The following ZBTB5 variants were observed in gnomAD, a reference collection of about 807,000 sequenced individuals.
The protein encoded by ZBTB5 is zinc finger and BTB domain containing 5, also known as zinc finger and BTB domain-containing protein 5.
In ZBTB5, 15 loss-of-function variants were observed where a neutral mutation model predicts 37.9. That is an observed-to-expected ratio of 0.40 (90% CI 0.26 to 0.61). The LOEUF is 0.61. Ranked by LOEUF, ZBTB5 falls within the 20% of genes least tolerant of loss-of-function variation. The pLI, the probability that ZBTB5 is intolerant of heterozygous loss-of-function variation, is 0.47. For missense variants in ZBTB5, 708 were observed against 856.8 expected, an observed-to-expected ratio of 0.83 and a Z score of 2.17; for synonymous variants, 315 against 312.4, an observed-to-expected ratio of 1.01 and a Z score of -0.09.
In ZBTB5 at chr9:37,441,879, C is replaced by T. The variant is rs750571689; in HGVS notation, c.673G>A (p.Gly225Arg). 6.1e-5 allele frequency: 99 copies of T among 1,614,058 alleles called. No homozygotes were observed. The highest frequency in any genetic ancestry group is 8.2e-5 in the Non-Finnish European group (97 of 1,180,048). Residue 225 changes from glycine to arginine, a missense_variant, in exon 2 of 2, where the codon GGG becomes AGG. This residue lies in a region of ZBTB5 where 639 missense variants were observed against 690.5 expected (regional missense o/e 0.93). Transcript: ENST00000307750. ...AAGAACTCCTCCCGAGAATGAACCCCTGAAGGCCCATTCTCCGGTGTAACA... is the reference window on the plus strand; with the variant it reads ...AAGAACTCCTCCCGAGAATGAACCCTTGAAGGCCCATTCTCCGGTGTAACA... ...SDVTPENGPS[G>R]VHSREEFFSP...
At chr9:37,447,450 A>G (rs1413247969) in intron 1 of ZBTB5, among the ~76,000 whole-genome samples, 1 of 152,174 alleles carries the variant, frequency 6.6e-6, no homozygotes. Flanking sequence ...TAGTGGTAAT[A>G]AAATATATAT....
At position 37,440,446 on chromosome 9, in the gene ZBTB5, A is replaced by G. The variant is rs1823842246; in HGVS notation, c.*72T>C. The G allele has an allele frequency of 7.2e-7, 1 of 1,384,676 alleles. No individual in the cohort carries two copies. The highest frequency in any genetic ancestry group is 1.4e-5 in the African/African-American group (1 of 69,800). 85.8% of individuals were successfully genotyped at this position (1,384,676 alleles called of 1,614,324 possible). A position where few individuals can be genotyped will look rare whatever the true frequency, so the allele number is the denominator to read the frequency against. On this transcript the variant is annotated 3_prime_UTR_variant, in exon 2 of 2. Transcript: ENST00000307750. The stretch of plus-strand genomic sequence containing the variant: ...GGGCAGCTGGAAGCCTCGAACCCAA[A>G]GGCATTAACTGCTTACCAAAAGAAA...
intron 1 of ZBTB5, 150 bp downstream of exon 1, chr9:37,465,065 C>A (rs1824366898): frequency 6.6e-6 from 1 of 152,354 alleles, no homozygotes; most frequent in South Asian, 2.1e-4. Flanking sequence ...CCAACGGTAA[C>A]AATGCTCCCC....
At chr9:37,464,606 G>A (rs1039432674) in intron 1 of ZBTB5, among the ~76,000 whole-genome samples, 13 of 152,182 alleles carry the variant, frequency 8.5e-5, no homozygotes, top group African/African-American at 2.9e-4. Context: ...CCAAACAGGA[G>A]AAGATGGGAC....
At chr9:37,453,400 G>A (rs1824136164) in intron 1 of ZBTB5, among the ~76,000 whole-genome samples, 2 of 151,810 alleles carry the variant, frequency 1.3e-5, no homozygotes, top group Non-Finnish European at 2.9e-5. Flanking sequence ...GGCTGGTCTT[G>A]AACTCCTGTG....
intron 1 of ZBTB5, among the ~76,000 whole-genome samples, chr9:37,455,101 T>C (rs1259446708): frequency 6.6e-6 from 1 of 152,218 alleles, no homozygotes. Context: ...TGTTGCCTTT[T>C]GGCCTGCCAC....
chr9:37,449,840 G>A (rs1486537424), intron 1 of ZBTB5, among the ~76,000 whole-genome samples: 2 of 151,948 alleles, frequency 1.3e-5, no homozygotes, highest in African/African-American at 4.8e-5. Flanking sequence ...CTAACAAAGA[G>A]CAGCCTGTAA....
At chr9:37,451,898 G>A (rs541909867) in intron 1 of ZBTB5, among the ~76,000 whole-genome samples, 58 of 152,166 alleles carry the variant, frequency 3.8e-4, no homozygotes, top group African/African-American at 1.4e-3. Flanking sequence ...TGTCAGAAAT[G>A]CAAAAGCCTG....
At chr9:37,445,661 AAAG>A (rs1418385589) in intron 1 of ZBTB5, among the ~76,000 whole-genome samples, 1 of 152,062 alleles carries the variant, frequency 6.6e-6, no homozygotes, top group Non-Finnish European at 1.5e-5. Flanking sequence ...AAAAAAGAAA[AAAG>A]AAATATGGAA....
chr9:37,453,024 T>C (rs963557823), intron 1 of ZBTB5, among the ~76,000 whole-genome samples: 1 of 152,346 alleles, frequency 6.6e-6, no homozygotes, highest in African/African-American at 2.4e-5. Flanking sequence ...CATGTAACCA[T>C]ATGGATAAAC....
chr9:37,458,079 T>C (rs1824225046), intron 1 of ZBTB5, among the ~76,000 whole-genome samples: 1 of 152,178 alleles, frequency 6.6e-6, no homozygotes, highest in Admixed American at 6.5e-5. Context: ...ATCCTAAACA[T>C]AAAAGTAATT....
At chr9:37,452,687 A>T (rs1377544085) in intron 1 of ZBTB5, among the ~76,000 whole-genome samples, 1 of 152,234 alleles carries the variant, frequency 6.6e-6, no homozygotes, top group Non-Finnish European at 1.5e-5. Flanking sequence ...GTGTTCTAGC[A>T]GGGGTGCTCT....
intron 1 of ZBTB5, among the ~76,000 whole-genome samples, chr9:37,446,700 C>T (rs964604554): frequency 1.3e-5 from 2 of 152,204 alleles, no homozygotes; most frequent in Non-Finnish European, 2.9e-5. Context: ...ACACACATCC[C>T]GGGTCCCCAC....
Position 37,440,856 on chromosome 9 carries a change from C to T in ZBTB5, c.1696G>A (p.Gly566Arg), listed in dbSNP as rs1274995151. ...CCATTTTCAAATGAGGACGTAGCTC[C>T]ATTCATCATTAGCTGAGAACTGGTA... ...NSTSSQLMMN[G>R]ATSSFENGHP... The change falls in exon 2 of 2, where the codon GGA (glycine) becomes AGA (arginine). Residue 566 changes from glycine to arginine, a missense_variant. This residue lies in a region of ZBTB5 where 639 missense variants were observed against 690.5 expected (regional missense o/e 0.93). Coordinates refer to ENST00000307750, the MANE Select transcript of ZBTB5 (RefSeq NM_014872.3). The T allele has an allele frequency of 6.2e-7, 1 of 1,614,186 alleles. No individual in the cohort carries two copies. Among genetic ancestry groups the T allele is most frequent in the East Asian group, 2.2e-5 (1 of 44,886 alleles).
At chr9:37,456,448 G>A (rs1412449843) in intron 1 of ZBTB5, among the ~76,000 whole-genome samples, 1 of 152,242 alleles carries the variant, frequency 6.6e-6, no homozygotes, top group Non-Finnish European at 1.5e-5. Context: ...GTTCTGCTCT[G>A]TCAGGGTTGG....
rs189758309 is a variant in ZBTB5 at position 37,452,647 on chromosome 9, T to C, written c.-4-10092A>G. Among the ~76,000 whole-genome samples the C allele has an allele frequency of 4.3e-4, 65 of 152,166 alleles. 1 individual carries two copies. In the South Asian group the frequency reaches 6.0e-3, roughly 14 times the overall value. The stretch of plus-strand genomic sequence containing the variant: ...GAAGGAAGCAGCAGCCAAGTAAAGG[T>C]ATAATATGGGGCAAAATCCCAGCCT... On this transcript the variant is annotated intron_variant, in intron 1 of 1. Coordinates refer to ENST00000307750, the MANE Select transcript of ZBTB5 (RefSeq NM_014872.3).
At chr9:37,464,641 C>G (rs763010520) in intron 1 of ZBTB5, among the ~76,000 whole-genome samples, 7 of 152,372 alleles carry the variant, frequency 4.6e-5, no homozygotes, top group Non-Finnish European at 1.0e-4. Flanking sequence ...ACCGCATCCC[C>G]CACAGCTCCT....
Position 37,440,574 on chromosome 9 carries a change from A to G in ZBTB5, c.1978T>C (p.Ser660Pro). The part of the protein sequence containing the change: ...FSQSSHLYKH[S>P]KTTCLRWQSS... ...TGCCAGCGCAGGCAGGTAGTCTTTG[A>G]GTGCTTATACAGGTGGCTGGACTGA... The change falls in exon 2 of 2, where the codon TCA becomes CCA. Residue 660 changes from serine (S) to proline (P), a missense_variant. Physicochemically the swap from Ser to Pro is moderately conservative, Grantham distance 74. This residue lies in a region of ZBTB5 where 42 missense variants were observed against 107.9 expected (regional missense o/e 0.39). Coordinates refer to ENST00000307750, the MANE Select transcript of ZBTB5 (RefSeq NM_014872.3). The G allele has an allele frequency of 6.2e-7, 1 of 1,614,244 alleles. No homozygotes were observed.
intron 1 of ZBTB5, among the ~76,000 whole-genome samples, chr9:37,450,607 G>A (rs79008103): frequency 0.021 from 3,137 of 152,174 alleles, 109 homozygotes; most frequent in African/African-American, 0.069. Flanking sequence ...TGCCAGGCAC[G>A]GTGGCTCACA....
Sources: allele counts gnomAD v4.1 joint callset (sites outside exome capture counted in the v4.1 genomes callset), GRCh38; gene constraint gnomAD v4.1.1; regional missense constraint gnomAD v4.1.1; transcripts MANE v1.5; gene names NCBI Gene and HGNC (gene_info 2026-07-23, HGNC 2026-07-21).